Variants in SYBU observed in about 807,000 individuals in gnomAD.
SYBU encodes GOLSYN A protein.
Under a neutral mutation model 35.9 loss-of-function variants are expected in SYBU, and 21 were observed. That is an observed-to-expected ratio of 0.58 (90% CI 0.41 to 0.84). The LOEUF (loss-of-function observed/expected upper bound fraction) is 0.84, where lower values mean the gene tolerates loss of function less well. Ranked by LOEUF, SYBU falls within the 40% of genes least tolerant of loss-of-function variation. The pLI is 0.00. For missense variants in SYBU, 768 were observed against 848.2 expected, an observed-to-expected ratio of 0.91 and a Z score of 1.17; for synonymous variants, 319 against 324.3, an observed-to-expected ratio of 0.98 and a Z score of 0.18.
Position 109,667,085 on chromosome 8 carries a change from G to A in SYBU, c.-129+13626C>T, listed in dbSNP as rs567336202. 7.2e-5 allele frequency among the ~76,000 whole-genome samples: 11 copies of A among 152,232 alleles called. No homozygotes were observed. The South Asian group carries it at 2.3e-3, about 32-fold the overall frequency. On this transcript the variant is annotated intron_variant, in intron 1 of 5. Coordinates refer to the SYBU transcript ENST00000408889. ...ACTAACTTAGATATATTTCAAGGAT[G>A]TTTACTAAAATTATTGTTATTACTA...
chr8:109,611,612 T>C (rs577045931), intron 3 of SYBU, among the ~76,000 whole-genome samples: 30 of 152,334 alleles, frequency 2.0e-4, no homozygotes, highest in African/African-American at 7.2e-4. Context: ...TATTTCAGTA[T>C]AAATACAAAA....
intron 5 of SYBU, among the ~76,000 whole-genome samples, chr8:109,578,547 C>T (rs556984471): frequency 4.6e-5 from 7 of 152,276 alleles, no homozygotes; most frequent in South Asian, 2.1e-4. Flanking sequence ...ATAGAATTGC[C>T]GATCTTAGGA....
In SYBU at chr8:109,592,776, GT is replaced by G. The variant is rs944266555; in HGVS notation, c.428-6615del. 4.6e-5 allele frequency among the ~76,000 whole-genome samples: 7 copies of G among 152,150 alleles called. No individual in the cohort carries two copies. The South Asian group carries it at 6.2e-4, about 14-fold the overall frequency. On this transcript the variant is annotated intron_variant, in intron 3 of 6. Coordinates refer to ENST00000276646, the MANE Select transcript of SYBU (RefSeq NM_001099754.2). ...GTCACTAGTTGTGTATCTTGACCAAGTTTTTTTTAACTTATCTAAGCCTTAC... is the reference window on the plus strand; with the variant it reads ...GTCACTAGTTGTGTATCTTGACCAAGTTTTTTTAACTTATCTAAGCCTTAC...
chr8:109,638,459 A>G (rs930532290), intron 2 of SYBU, among the ~76,000 whole-genome samples: 2 of 152,222 alleles, frequency 1.3e-5, no homozygotes, highest in Admixed American at 6.5e-5. Context: ...TCTTGTGTTA[A>G]AAACAAGAAA....
Position 109,575,739 on chromosome 8 carries a change from C to T in SYBU, c.1159G>A (p.Glu387Lys), listed in dbSNP as rs777691336. 6.2e-7 allele frequency: 1 copy of T among 1,614,014 alleles called. No individual in the cohort carries two copies. Among genetic ancestry groups the T allele is most frequent in the African/African-American group, 1.3e-5 (1 of 74,898 alleles). ...EMAHSGSLRDELCLDFPCDSP... is the reference protein window; with the variant it reads ...EMAHSGSLRDKLCLDFPCDSP... ...TCACATGGAAAGTCTAGGCACAGTT[C>T]GTCCCTCAGAGAGCCACTGTGTGCC... The change falls in exon 7 of 7, where the codon GAA becomes AAA. Residue 387 changes from glutamate to lysine, a missense_variant. Coordinates refer to ENST00000276646, the MANE Select transcript of SYBU (RefSeq NM_001099754.2).
chr8:109,586,607 C>T (rs996752104), intron 3 of SYBU: 4 of 155,338 alleles, frequency 2.6e-5, no homozygotes, highest in African/African-American at 9.6e-5. Context: ...TTCAATTTGG[C>T]AAGTTAGGTT....
rs182370509 is a variant in SYBU at position 109,601,959 on chromosome 8, T to C, written c.428-15797A>G. On this transcript the variant is annotated intron_variant, in intron 3 of 6. Transcript: ENST00000276646. ...TGGTAACATGAACAGTGATGCTTTATGAAGACAACATGACAGCAATATCTG... is the reference window on the plus strand; with the variant it reads ...TGGTAACATGAACAGTGATGCTTTACGAAGACAACATGACAGCAATATCTG... Among the ~76,000 whole-genome samples, 356 of 152,278 alleles carry C rather than the reference T, an allele frequency of 2.3e-3. 1 individual carries two copies. The highest frequency in any genetic ancestry group is 3.9e-3 in the Non-Finnish European group (262 of 68,020).
At chr8:109,666,256 G>C (rs1816747743) in intron 1 of SYBU, among the ~76,000 whole-genome samples, 1 of 152,126 alleles carries the variant, frequency 6.6e-6, no homozygotes, top group African/African-American at 2.4e-5. Flanking sequence ...CTGAGTTTCT[G>C]AACCTCGACA....
At chr8:109,613,642 G>T (rs1015036603) in intron 3 of SYBU, among the ~76,000 whole-genome samples, 2 of 152,046 alleles carry the variant, frequency 1.3e-5, no homozygotes, top group East Asian at 1.9e-4. Context: ...CCTCTAGGTT[G>T]TTCAAGTTAT....
At chr8:109,615,447 T>C (rs528383339) in intron 3 of SYBU, among the ~76,000 whole-genome samples, 2 of 152,272 alleles carry the variant, frequency 1.3e-5, no homozygotes, top group African/African-American at 2.4e-5. Flanking sequence ...CCTCTCTTCA[T>C]ATTTATGAGA....
chr8:109,610,759 T>A (rs1187901376), intron 3 of SYBU, among the ~76,000 whole-genome samples: 1 of 152,224 alleles, frequency 6.6e-6, no homozygotes. Context: ...CAGGTATTTA[T>A]CCCTCTGGCC....
At chr8:109,646,417 C>T (rs947192440), upstream of SYBU, 1 of 152,218 alleles carries the variant, frequency 6.6e-6, no homozygotes, top group African/African-American at 2.4e-5. Flanking sequence ...AATTTCCCTT[C>T]TTCCTATAAC....
At chr8:109,688,234 CA>C (rs1817564460) in intron 1 of SYBU, among the ~76,000 whole-genome samples, 1 of 151,984 alleles carries the variant, frequency 6.6e-6, no homozygotes, top group Non-Finnish European at 1.5e-5. Flanking sequence ...AGTAAAAAAA[CA>C]ATGTGTTAAT....
At chr8:109,605,776 T>C (rs181429057) in intron 3 of SYBU, among the ~76,000 whole-genome samples, 450 of 152,320 alleles carry the variant, frequency 3.0e-3, no homozygotes, top group Non-Finnish European at 4.9e-3. Context: ...TAATCAATCA[T>C]ATCCCATCTC....
chr8:109,627,795 A>G (rs1208427959), intron 2 of SYBU, among the ~76,000 whole-genome samples: 1 of 152,264 alleles, frequency 6.6e-6, no homozygotes, highest in Non-Finnish European at 1.5e-5. Flanking sequence ...AATTGGAGGC[A>G]AGAAACTCTT....
At position 109,575,682 on chromosome 8, in the gene SYBU, G is replaced by T. The variant is rs747193882; in HGVS notation, c.1216C>A (p.Pro406Thr). 5 of 1,614,140 alleles carry T rather than the reference G, an allele frequency of 3.1e-6. No homozygotes were observed. Among genetic ancestry groups the T allele is most frequent in the East Asian group, 4.5e-5 (2 of 44,886 alleles). ...AACCCATCTGCCATTGTGTCAAGAG[G>T]GGGGTTGAGGGTTAAGCTCTTCTCT... ...SPEKSLTLNP[P>T]LDTMADGLSL... is the part of the protein sequence containing the mutation. The change falls in exon 7 of 7, where the codon CCT becomes ACT. Residue 406 changes from proline to threonine, a missense_variant. Pro to Thr is a conservative substitution (Grantham distance 38). Transcript: ENST00000276646.
chr8:109,678,434 C>CGTTTTTTTTTTTTTTTTTTTTT, intron 1 of SYBU, among the ~76,000 whole-genome samples: 1 of 58,362 alleles, frequency 1.7e-5, no homozygotes, highest in Admixed American at 2.5e-4. Flanking sequence ...TTCAAATAAC[C>CGTTTTTTTTTTTTTTTTTTTTT]TTTTTTTTTT....
At chr8:109,581,926 A>G (rs985419570) in intron 4 of SYBU, among the ~76,000 whole-genome samples, 29 of 152,230 alleles carry the variant, frequency 1.9e-4, no homozygotes, top group Non-Finnish European at 7.3e-5. Flanking sequence ...TACGGAACAG[A>G]TGGGCTGATG....
intron 2 of SYBU, among the ~76,000 whole-genome samples, chr8:109,637,991 T>C (rs922515845): frequency 6.6e-6 from 1 of 152,216 alleles, no homozygotes; most frequent in Non-Finnish European, 1.5e-5. Context: ...TTAAAAAAAT[T>C]GACCTGGTAC....
Sources: gnomAD v4.1 joint callset for allele counts (sites outside exome capture counted in the v4.1 genomes callset) on GRCh38, gnomAD v4.1.1 for gene constraint, MANE v1.5 for transcripts, NCBI Gene and HGNC (gene_info 2026-07-23, HGNC 2026-07-21) for gene names.